GATA4: variants seen among roughly 807,000 people sequenced by gnomAD.
GATA4 encodes the protein transcription factor GATA-4.
In GATA4, 7 loss-of-function variants were observed where a neutral mutation model predicts 37.9. That is an observed-to-expected ratio of 0.18 (90% confidence interval 0.11 to 0.35). GATA4 has a LOEUF of 0.35. GATA4 is among the 10% of genes least tolerant of loss of function. The pLI, the probability that GATA4 is intolerant of heterozygous loss-of-function variation, is 1.00. For missense variants in GATA4, 647 were observed against 653.0 expected (o/e 0.99, Z 0.10); for synonymous variants, 372 against 292.6 (o/e 1.27, Z -2.77).
At chr8:11,706,848 C>G (rs1484331142) in intron 1 of GATA4, among the ~76,000 whole-genome samples, 1 of 152,108 alleles carries the variant, frequency 6.6e-6, no homozygotes, top group African/African-American at 2.4e-5. Flanking sequence ...TGAGGAGAGA[C>G]ACCTGTACTT....
Position 11,729,713 on chromosome 8 carries a change from A to G in GATA4, c.617-19203A>G, listed in dbSNP as rs147192785. On this transcript the variant is annotated intron_variant, in intron 2 of 6. Transcript: ENST00000532059. ...ATTCCAGCTTGAATTATCATGATGC[A>G]AAATTGTGTTCGCTGAAAAGCAGGG... Among the ~76,000 whole-genome samples the G allele has an allele frequency of 2.4e-4, 37 of 152,318 alleles. 1 individual carries two copies. The highest frequency in any genetic ancestry group is 3.4e-3 in the Middle Eastern group (1 of 294).
At chr8:11,751,562 A>G (rs17153740) in intron 4 of GATA4, among the ~76,000 whole-genome samples, 7,559 of 152,240 alleles carry the variant, frequency 0.05, 494 homozygotes, top group African/African-American at 0.15. Context: ...ATACAAGTTA[A>G]ATTAAAACCA....
At chr8:11,729,219 A>T (rs1164151481) in intron 2 of GATA4, among the ~76,000 whole-genome samples, 3 of 150,598 alleles carry the variant, frequency 2.0e-5, no homozygotes, top group Admixed American at 1.3e-4. Flanking sequence ...CAAGAAAAAA[A>T]AGATCTAGCT....
intron 2 of GATA4, among the ~76,000 whole-genome samples, chr8:11,734,573 G>A (rs375996204): frequency 3.9e-5 from 6 of 152,064 alleles, no homozygotes; most frequent in South Asian, 2.1e-4. Context: ...TGCAACCTCC[G>A]CCTCCTGGGT....
intron 6 of GATA4, among the ~76,000 whole-genome samples, chr8:11,757,879 A>C (rs1035167334): frequency 1.3e-5 from 2 of 152,224 alleles, no homozygotes; most frequent in Non-Finnish European, 2.9e-5. Context: ...GCCGTGTCTT[A>C]GTGAGCTTCT....
intron 1 of GATA4, chr8:11,692,714 G>C: frequency 1.0e-6 from 1 of 985,006 alleles, no homozygotes; most frequent in Non-Finnish European, 1.2e-6. Flanking sequence ...TCGGGAGGCT[G>C]GGAGGGAGAG....
intron 1 of GATA4, among the ~76,000 whole-genome samples, chr8:11,705,621 G>A (rs1218828399): frequency 6.6e-6 from 1 of 152,198 alleles, no homozygotes; most frequent in Non-Finnish European, 1.5e-5. Flanking sequence ...GGCTTTCTCC[G>A]CCAACTGCAG....
At chr8:11,748,835 C>G (rs2130306236) in intron 2 of GATA4, 81 bp from the exon 3 acceptor site, 4 of 1,516,298 alleles carry the variant, frequency 2.6e-6, no homozygotes, top group Non-Finnish European at 3.7e-6. Flanking sequence ...TCTGTGCGCT[C>G]TAGATTCTCA....
Position 11,748,900 on chromosome 8 carries a change from G to T in GATA4, c.617-16G>T. On this transcript the variant is annotated splice_polypyrimidine_tract_variant and intron_variant, in intron 2 of 6. Coordinates refer to ENST00000532059, the MANE Select transcript of GATA4 (RefSeq NM_001308093.3). Reference sequence around the variant, plus strand: ...TAATCCTCTGTGTCTTTTCTTGTCTGTTCCCCCCAACTCAGTAGATATGTT... The same window carrying T: ...TAATCCTCTGTGTCTTTTCTTGTCTTTTCCCCCCAACTCAGTAGATATGTT... The T allele has an allele frequency of 6.2e-7, 1 of 1,614,114 alleles. No individual in the cohort carries two copies. The highest frequency in any genetic ancestry group is 8.5e-7 in the Non-Finnish European group (1 of 1,179,924).
At chr8:11,678,182 T>C (rs1798843451) in intron 1 of GATA4, among the ~76,000 whole-genome samples, 1 of 152,050 alleles carries the variant, frequency 6.6e-6, no homozygotes, top group Non-Finnish European at 1.5e-5. Flanking sequence ...GCTCGCAGGT[T>C]GAAAGCAGAC....
At chr8:11,686,811 A>T (rs1015817579) in intron 1 of GATA4, among the ~76,000 whole-genome samples, 3 of 152,146 alleles carry the variant, frequency 2.0e-5, no homozygotes, top group African/African-American at 7.2e-5. Context: ...CAGCCTGACC[A>T]ACATGATGAA....
chr8:11,708,015 G>A lies in GATA4; in HGVS notation c.-298G>A. 2.3e-6 allele frequency: 1 copy of A among 442,796 alleles called. No homozygotes were observed. The highest frequency in any genetic ancestry group is 4.2e-6 in the Non-Finnish European group (1 of 237,156). The allele number at this position is 442,796 out of a possible 1,614,324, so 27.4% of individuals were successfully genotyped here. ...GCCCTCCGTCTTCTGCCCCCAATAGGTGCGCCGGACCTTCAGGCCCTGGGG... is the reference window on the plus strand; with the variant it reads ...GCCCTCCGTCTTCTGCCCCCAATAGATGCGCCGGACCTTCAGGCCCTGGGG... On this transcript the variant is annotated 5_prime_UTR_variant, in exon 2 of 7. In the 5' UTR this introduces an upstream ATG that the reference lacks. Transcript: ENST00000532059. This position sits in a 1 kb window ranked among gnomAD's most constrained non-coding sequence, Gnocchi z 6.7.
chr8:11,694,470 T>TCCGAG (rs999629594), intron 1 of GATA4: 1 of 985,226 alleles, frequency 1.0e-6, no homozygotes, highest in African/African-American at 1.7e-5. Context: ...CCACCAGCTC[T>TCCGAG]CCGAGCCGTG....
chr8:11,718,348 C>G (rs897062843), intron 2 of GATA4, among the ~76,000 whole-genome samples: 9 of 152,166 alleles, frequency 5.9e-5, no homozygotes, highest in African/African-American at 2.2e-4. Flanking sequence ...GGTTTTCTGG[C>G]CTTCTGCATT....
At chr8:11,695,637 C>T (rs1381483440) in intron 1 of GATA4, among the ~76,000 whole-genome samples, 1 of 152,190 alleles carries the variant, frequency 6.6e-6, no homozygotes, top group Non-Finnish European at 1.5e-5. Context: ...CTGACTGGTT[C>T]TCTCCGCTTC....
chr8:11,684,462 C>G (rs1296227089), intron 1 of GATA4, among the ~76,000 whole-genome samples: 2 of 152,200 alleles, frequency 1.3e-5, no homozygotes, highest in Admixed American at 6.5e-5. Context: ...AAGCCAATTT[C>G]TGAACCATAA....
At chr8:11,745,701 G>A (rs1801997064) in intron 2 of GATA4, among the ~76,000 whole-genome samples, 1 of 152,144 alleles carries the variant, frequency 6.6e-6, no homozygotes, top group Non-Finnish European at 1.5e-5. Context: ...CGAACAAGAG[G>A]AACACATTAT....
chr8:11,724,902 T>G (rs1297843790), intron 2 of GATA4, among the ~76,000 whole-genome samples: 3 of 152,188 alleles, frequency 2.0e-5, no homozygotes, highest in Non-Finnish European at 4.4e-5. Flanking sequence ...GTGGCCATCG[T>G]CTTTCTCTTG....
At chr8:11,736,469 T>G (rs28542285) in intron 2 of GATA4, among the ~76,000 whole-genome samples, 410 of 152,374 alleles carry the variant, frequency 2.7e-3, no homozygotes, top group African/African-American at 9.2e-3. Flanking sequence ...CTGGTCTGCG[T>G]GGCTTCTGAT....
Sources: allele counts gnomAD v4.1 joint callset (sites outside exome capture counted in the v4.1 genomes callset), GRCh38; gene constraint gnomAD v4.1.1; non-coding constraint Gnocchi (gnomAD v3.1); transcripts MANE v1.5; gene names NCBI Gene and HGNC (gene_info 2026-07-23, HGNC 2026-07-21).